WDR91: variants seen among roughly 807,000 people sequenced by gnomAD.
WDR91 encodes the protein WD repeat domain 91, also known as WD repeat-containing protein 91.
WDR91 carries 52 observed loss-of-function variants against 88.4 expected under a neutral mutation model. That is an observed-to-expected ratio of 0.59 (90% confidence interval 0.47 to 0.74). WDR91 has a LOEUF of 0.74. Ranked by LOEUF, WDR91 falls within the 30% of genes least tolerant of loss-of-function variation. WDR91 has a pLI of 0.00. For synonymous variants in WDR91, 362 were observed against 389.5 expected (o/e 0.93, Z 0.83); for missense variants, 824 against 954.5 (o/e 0.86, Z 1.80).
Position 135,196,441 on chromosome 7 carries a change from C to T in WDR91, c.1051-104G>A. 2.6e-6 allele frequency: 3 copies of T among 1,158,758 alleles called. No individual in the cohort carries two copies. Among genetic ancestry groups the T allele is most frequent in the Non-Finnish European group, 3.5e-6 (3 of 853,918 alleles). 71.8% of individuals were successfully genotyped at this position (1,158,758 alleles called of 1,614,324 possible). On this transcript the variant is annotated intron_variant, in intron 7 of 14. Transcript: ENST00000354475. This position sits in a 1 kb window ranked among gnomAD's most constrained non-coding sequence, Gnocchi z 4.2. ...CTAGGCTGCAGCATTTTGCGGGGTT[C>T]TCGGTAATTACAGAGTGGAGAGGAG... is the stretch of plus-strand genomic sequence containing the variant.
At chr7:135,191,864 ATAAT>A in intron 11 of WDR91, among the ~76,000 whole-genome samples, 1 of 152,332 alleles carries the variant, frequency 6.6e-6, no homozygotes, top group Non-Finnish European at 1.5e-5. Flanking sequence ...AAGTAAACAT[ATAAT>A]TACAAATTGT....
At chr7:135,208,658 C>G (rs1300733655) in intron 3 of WDR91, 133 bp downstream of exon 3, 1 of 737,376 alleles carries the variant, frequency 1.4e-6, no homozygotes, top group Non-Finnish European at 2.1e-6. Flanking sequence ...GTCCAGCCCC[C>G]TCATGTGACC....
chr7:135,198,306 C>T (rs2117674532), intron 6 of WDR91, 155 bp from the exon 7 acceptor site: 1 of 811,694 alleles, frequency 1.2e-6, no homozygotes. Context: ...AGGTCATAGT[C>T]AGCCCCTGCT....
chr7:135,204,193 A>C, intron 6 of WDR91, 75 bp downstream of exon 6: 1 of 1,558,268 alleles, frequency 6.4e-7, no homozygotes, highest in Admixed American at 1.8e-5. Context: ...TCTACACTTG[A>C]CCAGGAGGTC....
At chr7:135,193,914 C>T (rs976382724) in intron 9 of WDR91, 10 of 496,870 alleles carry the variant, frequency 2.0e-5, no homozygotes, top group Admixed American at 9.9e-5. Flanking sequence ...GGGAGAGACG[C>T]GTCACCTTGG....
chr7:135,207,344 A>G (rs1270628196), intron 3 of WDR91, 142 bp from the exon 4 acceptor site: 2 of 699,488 alleles, frequency 2.9e-6, no homozygotes, highest in African/African-American at 3.5e-5. Context: ...TGCGGGCTTA[A>G]TGAAATAGTC....
At chr7:135,188,618 C>G in intron 12 of WDR91, 73 bp from the exon 13 acceptor site, 1 of 1,291,210 alleles carries the variant, frequency 7.7e-7, no homozygotes, top group Admixed American at 1.7e-5. Flanking sequence ...CAGCAGGAGG[C>G]CCCCTCACCC....
At chr7:135,189,681 T>C (rs1831089805) in intron 11 of WDR91, among the ~76,000 whole-genome samples, 1 of 152,224 alleles carries the variant, frequency 6.6e-6, no homozygotes. Context: ...CATAGAGAAA[T>C]GATAATCCAT....
Position 135,209,001 on chromosome 7 carries a change from G to A in WDR91, c.304-3C>T, listed in dbSNP as rs754206849. On this transcript the variant is annotated splice_polypyrimidine_tract_variant and splice_region_variant and intron_variant, in intron 2 of 14. Transcript: ENST00000354475. ...TGAGCCTTGTCATTTCTGTTTGTCT[G>A]CCAAGACACAAGGAGGTAGCAAGGA... 2.5e-6 allele frequency: 4 copies of A among 1,612,844 alleles called. No individual in the cohort carries two copies. The highest frequency in any genetic ancestry group is 4.5e-5 in the East Asian group (2 of 44,868).
chr7:135,201,908 T>C (rs1041724782), intron 6 of WDR91, among the ~76,000 whole-genome samples: 1 of 152,268 alleles, frequency 6.6e-6, no homozygotes, highest in African/African-American at 2.4e-5. Context: ...AATAGCGGGA[T>C]TGAAACATTA....
chr7:135,195,325 C>T (rs542122037), intron 8 of WDR91, among the ~76,000 whole-genome samples: 15 of 152,344 alleles, frequency 9.8e-5, no homozygotes, highest in East Asian at 3.9e-4. Flanking sequence ...GGCAAAGAGC[C>T]GTGAGCAAGA....
At position 135,196,251 on chromosome 7, in the gene WDR91, C is replaced by T. The variant is rs766884280; in HGVS notation, c.1137G>A (p.Arg379=). The T allele has an allele frequency of 2.9e-5, 46 of 1,611,752 alleles. No individual in the cohort carries two copies. In the African/African-American group the frequency reaches 5.5e-4, roughly 19 times the overall value. The change falls in exon 8 of 15, where the codon CGG becomes CGA. Residue 379 remains arginine, a synonymous_variant. Coordinates refer to ENST00000354475, the MANE Select transcript of WDR91 (RefSeq NM_014149.4). This position sits in a 1 kb window ranked among gnomAD's most constrained non-coding sequence, Gnocchi z 4.2. ...CACCCTCAGGGCCTGCCGAGGATGC[C>T]CGAGTCAGTGGCTCCACTGGCTCCG... The part of the protein sequence containing the change: ...LHTEPVEPLT[R]ASSAGPEGGG...
At chr7:135,205,865 G>C in intron 5 of WDR91, 63 bp downstream of exon 5, 1 of 1,605,200 alleles carries the variant, frequency 6.2e-7, no homozygotes, top group African/African-American at 1.3e-5. Context: ...CAAGATCAGA[G>C]GGAACTGTGG....
intron 3 of WDR91, 33 bp downstream of exon 3, chr7:135,208,758 T>C: frequency 6.5e-7 from 1 of 1,542,660 alleles, no homozygotes; most frequent in Non-Finnish European, 8.8e-7. Context: ...TGCCTCAGGC[T>C]GGGCCTTCAG....
At position 135,194,934 on chromosome 7, in the gene WDR91, C is replaced by T. The variant is rs1226268091; in HGVS notation, c.1395G>A (p.Leu465=). The T allele has an allele frequency of 6.2e-7, 1 of 1,613,988 alleles. No homozygotes were observed. Among genetic ancestry groups the T allele is most frequent in the South Asian group, 1.1e-5 (1 of 91,052 alleles). ...GGCCCCACAGGCCACCATTACTCAC[C>T]AGTCTGTCCCGTTTGGTGGCCCATT... The part of the protein sequence containing the change: ...SLEWATKRDR[L]LLLGSGVGTV... The change falls in exon 9 of 15, where the codon CTG becomes CTA. Residue 465 remains leucine (L), a splice_region_variant and synonymous_variant. Transcript: ENST00000354475.
chr7:135,201,575 A>T (rs2117688220), intron 6 of WDR91: 1 of 152,344 alleles, frequency 6.6e-6, no homozygotes, highest in African/African-American at 2.4e-5. Flanking sequence ...TGCTTTCTAT[A>T]AATTATATTT....
At position 135,206,058 on chromosome 7, in the gene WDR91, G is replaced by A. The variant is rs759549040; in HGVS notation, c.595C>T (p.Leu199Phe). The change falls in exon 5 of 15, where the codon CTT becomes TTT. Residue 199 changes from leucine to phenylalanine, a missense_variant and splice_region_variant. Coordinates refer to ENST00000354475, the MANE Select transcript of WDR91 (RefSeq NM_014149.4). ...QEENEVLRQK[L>F]FALQAEIHRL... is the part of the protein sequence containing the mutation. ...TGGATTTCAGCTTGCAATGCAAAAA[G>A]CTATACAGGGGTGGGACTGAGTTAG... 5 of 1,614,160 alleles carry A rather than the reference G, an allele frequency of 3.1e-6. No homozygotes were observed. In the South Asian group the frequency reaches 5.5e-5, roughly 18 times the overall value.
chr7:135,189,347 A>G lies in WDR91; in HGVS notation c.1765T>C (p.Phe589Leu). The stretch of plus-strand genomic sequence containing the variant: ...TGCTATGAGCACACTTGCATACCAA[A>G]CAGCCGGATGACGCCATCAGCTGCC... ...TGAADGVIRL[F>L]DMQQHECAMS... Residue 589 changes from phenylalanine to leucine, a missense_variant, in exon 12 of 15, where the codon TTT becomes CTT. Phe to Leu is a conservative substitution (Grantham distance 22). Coordinates refer to ENST00000354475, the MANE Select transcript of WDR91 (RefSeq NM_014149.4). 1.2e-6 allele frequency: 2 copies of G among 1,613,514 alleles called. No homozygotes were observed. The highest frequency in any genetic ancestry group is 1.7e-6 in the Non-Finnish European group (2 of 1,179,684).
In WDR91 at chr7:135,184,524, A is replaced by T. The variant is rs991060918; in HGVS notation, c.*1627T>A. 2 of 152,328 alleles carry T rather than the reference A, an allele frequency of 1.3e-5. No homozygotes were observed. The highest frequency in any genetic ancestry group is 4.8e-5 in the African/African-American group (2 of 41,464). The allele number at this position is 152,328 out of a possible 1,614,324, so 9.4% of individuals were successfully genotyped here. ...AGCTCTGCCTCAGCTGTGAAAGGCAAGAGGGAGAAGGGGAGTGAGGCTCTT... is the reference window on the plus strand; with the variant it reads ...AGCTCTGCCTCAGCTGTGAAAGGCATGAGGGAGAAGGGGAGTGAGGCTCTT... On this transcript the variant is annotated 3_prime_UTR_variant, in exon 15 of 15. Coordinates refer to ENST00000354475, the MANE Select transcript of WDR91 (RefSeq NM_014149.4).
Sources: allele counts gnomAD v4.1 joint callset (sites outside exome capture counted in the v4.1 genomes callset), GRCh38; gene constraint gnomAD v4.1.1; non-coding constraint Gnocchi (gnomAD v3.1); transcripts MANE v1.5; gene names NCBI Gene and HGNC (gene_info 2026-07-23, HGNC 2026-07-21).